BCAS3: variants seen among roughly 807,000 people sequenced by gnomAD.
BCAS3 encodes BCAS3 microtubule associated cell migration factor, also known as BCAS4/BCAS3 fusion.
BCAS3 carries 53 observed loss-of-function variants against 116.1 expected under a neutral mutation model. The ratio of observed to expected loss-of-function variants is 0.46; its 90% CI spans 0.37 to 0.57. The LOEUF (loss-of-function observed/expected upper bound fraction) is 0.57. Ranked by LOEUF, BCAS3 falls within the 20% of genes least tolerant of loss-of-function variation. The pLI, the probability that BCAS3 is intolerant of heterozygous loss-of-function variation, is 0.00. For synonymous variants in BCAS3, 391 were observed against 408.2 expected, an observed-to-expected ratio of 0.96 and a Z score of 0.51; for missense variants, 917 against 1,165.4, an observed-to-expected ratio of 0.79 and a Z score of 3.10.
chr17:60,779,605 G>A lies in BCAS3; in HGVS notation c.404-28399G>A, dbSNP rs551046841. ...GCTGGTCTCGAACTCCTGACCTCAG[G>A]TGATCCACCCGCCTTGGCCTCCCAA... is the stretch of plus-strand genomic sequence containing the variant. On this transcript the variant is annotated intron_variant, in intron 6 of 23. Coordinates refer to ENST00000407086, the MANE Select transcript of BCAS3 (RefSeq NM_017679.5). 5.9e-5 allele frequency among the ~76,000 whole-genome samples: 9 copies of A among 152,260 alleles called. No individual in the cohort carries two copies. The South Asian group carries it at 1.9e-3, about 32-fold the overall frequency.
Position 60,974,994 on chromosome 17 carries a change from TTTTTG to T in BCAS3, c.1222-14972_1222-14968del, listed in dbSNP as rs1568007361. 2.1e-4 allele frequency among the ~76,000 whole-genome samples: 31 copies of T among 147,594 alleles called. 3 individuals carry two copies. The highest frequency in any genetic ancestry group is 7.7e-4 in the African/African-American group (29 of 37,640). ...ATTTGTTTTTTTTGTTTTTTTTGCT[TTTTTG>T]TTTTTTTTTTTTTGAGACGGAGTCT... On this transcript the variant is annotated intron_variant, in intron 14 of 23. Transcript: ENST00000407086.
At chr17:60,814,402 T>C (rs1290428826) in intron 7 of BCAS3, among the ~76,000 whole-genome samples, 1 of 151,904 alleles carries the variant, frequency 6.6e-6, no homozygotes, top group East Asian at 1.9e-4. Context: ...TTACTACCTT[T>C]ATTTTTTTTT....
At chr17:61,270,978 C>G (rs181854122) in intron 22 of BCAS3, among the ~76,000 whole-genome samples, 1 of 151,512 alleles carries the variant, frequency 6.6e-6, no homozygotes, top group African/African-American at 2.4e-5. Context: ...AGCCTGGTCT[C>G]GAACTCCTGA....
intron 22 of BCAS3, among the ~76,000 whole-genome samples, chr17:61,301,338 A>G (rs1458718720): frequency 6.6e-6 from 1 of 152,192 alleles, no homozygotes; most frequent in African/African-American, 2.4e-5. Context: ...ATGTGCAATG[A>G]AAAGACTGAT....
At chr17:60,699,233 G>A (rs2036061788) in intron 4 of BCAS3, among the ~76,000 whole-genome samples, 1 of 151,554 alleles carries the variant, frequency 6.6e-6, no homozygotes, top group South Asian at 2.1e-4. Context: ...ATTTATTTAT[G>A]AGACAGAGTC....
At chr17:61,306,149 A>T (rs937479935) in intron 22 of BCAS3, among the ~76,000 whole-genome samples, 1 of 152,214 alleles carries the variant, frequency 6.6e-6, no homozygotes, top group African/African-American at 2.4e-5. Context: ...CAAATTCTAT[A>T]TGTGGAAAAG....
At chr17:61,358,947 C>G (rs77750050) in intron 22 of BCAS3, among the ~76,000 whole-genome samples, 4,124 of 152,168 alleles carry the variant, frequency 0.027, 173 homozygotes, top group African/African-American at 0.089. Flanking sequence ...AAAGTTCTAT[C>G]CCCACCCTCA....
At chr17:61,303,902 G>A (rs904872208) in intron 22 of BCAS3, among the ~76,000 whole-genome samples, 6 of 152,170 alleles carry the variant, frequency 3.9e-5, no homozygotes, top group African/African-American at 1.4e-4. Flanking sequence ...TTGTTGGAGA[G>A]ATAGATGAAG....
Position 61,009,206 on chromosome 17 carries a change from G to A in BCAS3, c.1487-6545G>A, listed in dbSNP as rs185252383. Among the ~76,000 whole-genome samples the A allele has an allele frequency of 2.5e-4, 38 of 152,138 alleles. No individual in the cohort carries two copies. In the East Asian group the frequency reaches 5.2e-3, roughly 21 times the overall value. On this transcript the variant is annotated intron_variant, in intron 15 of 23. Transcript: ENST00000407086. ...CCTAATAACACTGCTCTTTCACAGG[G>A]CACCATTGCTTAGTGTCCTTTAGCT...
intron 23 of BCAS3, among the ~76,000 whole-genome samples, chr17:61,370,562 C>A (rs1027935427): frequency 1.8e-4 from 28 of 152,078 alleles, no homozygotes; most frequent in African/African-American, 6.8e-4. Context: ...CTAATTTTTG[C>A]GTTTATGATA....
Position 61,028,249 on chromosome 17 carries a change from A to T in BCAS3, c.1638-6417A>T, listed in dbSNP as rs189834442. ...GTTATTGCTTAATAATAGGTGACATAAAACAAATCAACATAAAATTTTCCT... is the reference window on the plus strand; with the variant it reads ...GTTATTGCTTAATAATAGGTGACATTAAACAAATCAACATAAAATTTTCCT... On this transcript the variant is annotated intron_variant, in intron 16 of 23. Coordinates refer to ENST00000407086, the MANE Select transcript of BCAS3 (RefSeq NM_017679.5). The surrounding 1 kb of genome is among the most constrained non-coding windows in gnomAD (Gnocchi z 4.3). Among the ~76,000 whole-genome samples the T allele has an allele frequency of 7.9e-5, 12 of 152,026 alleles. No individual in the cohort carries two copies. The highest frequency in any genetic ancestry group is 1.3e-4 in the Non-Finnish European group (9 of 67,794).
In BCAS3 at chr17:61,220,764, T is replaced by C. The variant is rs568371115; in HGVS notation, c.2425+136200T>C. Among the ~76,000 whole-genome samples, 21 of 152,290 alleles carry C rather than the reference T, an allele frequency of 1.4e-4. No individual in the cohort carries two copies. The South Asian group carries it at 3.9e-3, about 29-fold the overall frequency. On this transcript the variant is annotated intron_variant, in intron 22 of 23. Coordinates refer to ENST00000407086, the MANE Select transcript of BCAS3 (RefSeq NM_017679.5). This position sits in a 1 kb window ranked among gnomAD's most constrained non-coding sequence, Gnocchi z 4.5. Reference sequence around the variant, plus strand: ...GGTGTGATACAAGAACTTGGTCTAATCAGGAGGAGCCTCTGAGGAAAAGAT... The same window carrying C: ...GGTGTGATACAAGAACTTGGTCTAACCAGGAGGAGCCTCTGAGGAAAAGAT...
At chr17:60,835,040 CCT>C (rs1232186844) in intron 7 of BCAS3, among the ~76,000 whole-genome samples, 4 of 151,774 alleles carry the variant, frequency 2.6e-5, no homozygotes, top group Non-Finnish European at 5.9e-5. Flanking sequence ...GTCTGTTTTG[CCT>C]CTCTATTCTT....
chr17:61,381,189 C>T lies in BCAS3; in HGVS notation c.2594-10788C>T, dbSNP rs965112550. On this transcript the variant is annotated intron_variant, in intron 23 of 23. Coordinates refer to ENST00000407086, the MANE Select transcript of BCAS3 (RefSeq NM_017679.5). This position sits in a 1 kb window ranked among gnomAD's most constrained non-coding sequence, Gnocchi z 6.0. Reference sequence around the variant, plus strand: ...ACTGACAGAACAAATGCACTTCCACCCGACAGGCAAATCGATATCTTAATA... The same window carrying T: ...ACTGACAGAACAAATGCACTTCCACTCGACAGGCAAATCGATATCTTAATA... Among the ~76,000 whole-genome samples, 2 of 152,196 alleles carry T rather than the reference C, an allele frequency of 1.3e-5. No homozygotes were observed. Among genetic ancestry groups the T allele is most frequent in the African/African-American group, 4.8e-5 (2 of 41,460 alleles).
At chr17:60,977,998 G>A (rs1600167961) in intron 14 of BCAS3, among the ~76,000 whole-genome samples, 9 of 139,650 alleles carry the variant, frequency 6.4e-5, no homozygotes, top group South Asian at 2.1e-4. Context: ...ATGATTTATA[G>A]TCCTTTGGGT....
chr17:60,689,514 C>G (rs1323952721), intron 3 of BCAS3, among the ~76,000 whole-genome samples, 172 bp from the exon 4 acceptor site: 3 of 152,154 alleles, frequency 2.0e-5, no homozygotes, highest in Non-Finnish European at 2.9e-5. Context: ...TTATGAGACT[C>G]ATGGATAATA....
intron 22 of BCAS3, among the ~76,000 whole-genome samples, chr17:61,090,997 T>G (rs1276928724): frequency 6.6e-6 from 1 of 152,114 alleles, no homozygotes; most frequent in Non-Finnish European, 1.5e-5. Flanking sequence ...AAGACCAAAG[T>G]CAAGTTAACA....
At chr17:61,164,492 CA>C (rs1323783416) in intron 22 of BCAS3, among the ~76,000 whole-genome samples, 1 of 151,488 alleles carries the variant, frequency 6.6e-6, no homozygotes, top group Non-Finnish European at 1.5e-5. Flanking sequence ...CCATCCCTAC[CA>C]AAAAAAAGTA....
At chr17:60,758,468 G>A (rs2043202481) in intron 6 of BCAS3, among the ~76,000 whole-genome samples, 1 of 151,922 alleles carries the variant, frequency 6.6e-6, no homozygotes, top group South Asian at 2.1e-4. Context: ...TGCAGCCTCC[G>A]CCTTCCGGTT....
Sources: gnomAD v4.1 joint callset for allele counts (sites outside exome capture counted in the v4.1 genomes callset) on GRCh38, gnomAD v4.1.1 for gene constraint, Gnocchi (gnomAD v3.1) non-coding constraint, MANE v1.5 for transcripts, NCBI Gene and HGNC (gene_info 2026-07-23, HGNC 2026-07-21) for gene names.